TRAP1: variants seen among roughly 807,000 people sequenced by gnomAD.
TRAP1 encodes the protein heat shock protein 75 kDa, mitochondrial.
A neutral mutation model predicts 89.1 loss-of-function variants in TRAP1; 102 were observed. That is an observed-to-expected ratio of 1.15 (90% CI 0.98 to 1.35). The LOEUF is 1.35. Among genes scored for constraint, TRAP1 ranks in the 40% most tolerant of loss-of-function variants. The probability of loss-of-function intolerance (pLI) is 0.00; values close to 1 mark genes in which losing one functional copy is unlikely to be tolerated. For missense variants in TRAP1, 1,256 were observed against 945.3 expected, an observed-to-expected ratio of 1.33 and a Z score of -4.31; for synonymous variants, 508 against 388.0, an observed-to-expected ratio of 1.31 and a Z score of -3.64.
At chr16:3,671,837 C>T (rs2050917914) in intron 10 of TRAP1, 46 bp from the exon 11 acceptor site, 1 of 1,586,098 alleles carries the variant, frequency 6.3e-7, no homozygotes, top group Non-Finnish European at 8.6e-7. Context: ...CGGCCCTCCA[C>T]ACCACCCAAC....
chr16:3,714,210 A>G (rs1024221707), intron 1 of TRAP1, among the ~76,000 whole-genome samples: 1 of 152,326 alleles, frequency 6.6e-6, no homozygotes, highest in East Asian at 1.9e-4. Context: ...GCCCTGGTAC[A>G]CTGCTCAGCA....
At chr16:3,686,271 C>A in intron 3 of TRAP1, 135 bp from the exon 4 acceptor site, 1 of 1,116,126 alleles carries the variant, frequency 9.0e-7, no homozygotes, top group Non-Finnish European at 1.3e-6. Context: ...AGAGTTTCTG[C>A]TTTAGTCAAA....
At chr16:3,680,905 C>T (rs1339881667) in intron 4 of TRAP1, among the ~76,000 whole-genome samples, 1 of 152,174 alleles carries the variant, frequency 6.6e-6, no homozygotes, top group East Asian at 1.9e-4. Context: ...GCTCTTGGAC[C>T]TCCCAGCCTC....
intron 1 of TRAP1, among the ~76,000 whole-genome samples, chr16:3,706,051 C>T (rs549672772): frequency 2.6e-4 from 40 of 151,340 alleles, no homozygotes; most frequent in Middle Eastern, 3.4e-3. Context: ...GTAATCTCCG[C>T]TCACTGCAAC....
At chr16:3,705,726 C>CTGGA (rs1420417942) in intron 1 of TRAP1, among the ~76,000 whole-genome samples, 1 of 152,134 alleles carries the variant, frequency 6.6e-6, no homozygotes, top group Admixed American at 6.6e-5. Flanking sequence ...CGTTGCCAGG[C>CTGGA]TGGAGTGCAA....
chr16:3,662,119 A>G lies in TRAP1; in HGVS notation c.1808T>C (p.Leu603Pro), dbSNP rs1234370208. The G allele has an allele frequency of 9.9e-6, 16 of 1,612,370 alleles. No individual in the cohort carries two copies. Among genetic ancestry groups the G allele is most frequent in the African/African-American group, 1.3e-5 (1 of 75,042 alleles). Reference sequence around the variant, plus strand: ...GGTGACCATGGCAGGGTGGGTGTCCAGTCGGAGGGTCACCTGTGAGCAAAG... The same window carrying G: ...GGTGACCATGGCAGGGTGGGTGTCCGGTCGGAGGGTCACCTGTGAGCAAAG... ...RVTNVKVTLR[L>P]DTHPAMVTVL... Residue 603 changes from leucine to proline, a missense_variant, in exon 16 of 18, where the codon CTG becomes CCG. Physicochemically the swap from Leu to Pro is moderately conservative, Grantham distance 98 (BLOSUM62 -3). Coordinates refer to ENST00000246957, the MANE Select transcript of TRAP1 (RefSeq NM_016292.3).
At chr16:3,681,470 A>G (rs573037887) in intron 4 of TRAP1, among the ~76,000 whole-genome samples, 2 of 152,330 alleles carry the variant, frequency 1.3e-5, no homozygotes, top group East Asian at 3.9e-4. Flanking sequence ...ACTGCAGTGC[A>G]CACATGTGTG....
intron 1 of TRAP1, among the ~76,000 whole-genome samples, chr16:3,709,847 T>A (rs1470913875): frequency 6.6e-6 from 1 of 152,138 alleles, no homozygotes; most frequent in Non-Finnish European, 1.5e-5. Flanking sequence ...ACAGGGTTTC[T>A]CCATGTTGGT....
At chr16:3,661,133 C>T (rs907649466) in intron 16 of TRAP1, 1 of 151,910 alleles carries the variant, frequency 6.6e-6, no homozygotes, top group African/African-American at 2.4e-5. Flanking sequence ...TAAAATACCC[C>T]ATAAGACACA....
At position 3,674,509 on chromosome 16, in the gene TRAP1, C is replaced by G. The variant is rs114495829; in HGVS notation, c.889-15G>C. ...ATCCAGATGGCCTGGAAACGGAGAT[C>G]GGCGGGGAGGGCGTCGTGTTCACCA... is the stretch of plus-strand genomic sequence containing the variant. On this transcript the variant is annotated splice_polypyrimidine_tract_variant and intron_variant, in intron 8 of 17. Transcript: ENST00000246957. 1.2e-6 allele frequency: 2 copies of G among 1,612,894 alleles called. No individual in the cohort carries two copies. The highest frequency in any genetic ancestry group is 1.7e-5 in the Admixed American group (1 of 59,928).
chr16:3,673,577 G>C (rs1212558972), intron 9 of TRAP1, among the ~76,000 whole-genome samples: 1 of 134,494 alleles, frequency 7.4e-6, no homozygotes, highest in African/African-American at 2.5e-5. Flanking sequence ...GTTAAAATGC[G>C]GGGAGATCTT....
At chr16:3,715,527 G>C (rs1014119844) in intron 1 of TRAP1, among the ~76,000 whole-genome samples, 4 of 152,220 alleles carry the variant, frequency 2.6e-5, no homozygotes, top group African/African-American at 9.6e-5. Flanking sequence ...GGAAGGGACA[G>C]TGCATGATAC....
intron 1 of TRAP1, among the ~76,000 whole-genome samples, chr16:3,709,076 C>G (rs2051490622): frequency 6.6e-6 from 1 of 151,680 alleles, no homozygotes; most frequent in Non-Finnish European, 1.5e-5. Context: ...CGGCCTCCCA[C>G]AGTGCTGGGA....
chr16:3,691,248 T>G (rs546848050), intron 1 of TRAP1: 1 of 283,762 alleles, frequency 3.5e-6, no homozygotes, highest in African/African-American at 2.2e-5. Flanking sequence ...GCTGCTGCCT[T>G]CTTTTCAGAG....
At chr16:3,672,845 C>T (rs1183300836) in intron 9 of TRAP1, 25 bp from the exon 10 acceptor site, 2 of 1,605,048 alleles carry the variant, frequency 1.2e-6, no homozygotes, top group Admixed American at 3.4e-5. Flanking sequence ...AACACGCCAT[C>T]ATGCAGCACT....
chr16:3,684,883 C>T (rs1450735540), intron 4 of TRAP1, among the ~76,000 whole-genome samples: 2 of 152,166 alleles, frequency 1.3e-5, no homozygotes, highest in Admixed American at 6.5e-5. Flanking sequence ...TATAATGGAG[C>T]TCTAAATTAC....
At chr16:3,704,355 C>T (rs891460467) in intron 1 of TRAP1, 3 of 152,072 alleles carry the variant, frequency 2.0e-5, no homozygotes, top group Non-Finnish European at 4.4e-5. Flanking sequence ...ACAAACAAAA[C>T]GTTGCATTAT....
At chr16:3,679,068 G>C (rs1273677723) in intron 5 of TRAP1, among the ~76,000 whole-genome samples, 1 of 152,216 alleles carries the variant, frequency 6.6e-6, no homozygotes, top group East Asian at 1.9e-4. Flanking sequence ...CTGTAGTCAC[G>C]CCTCAGGAGG....
In TRAP1 at chr16:3,658,211, A is replaced by G; in HGVS notation, c.2033T>C (p.Ile678Thr). The G allele has an allele frequency of 6.2e-7, 1 of 1,613,946 alleles. No individual in the cohort carries two copies. Among genetic ancestry groups the G allele is most frequent in the South Asian group, 1.1e-5 (1 of 91,076 alleles). ...LVDQIYENAM[I>T]AAGLVDDPRA... ...AGGGTCGTCAACAAGTCCAGCAGCAATCATGGCGTTCTCGTATATCTGAAA... is the reference window on the plus strand; with the variant it reads ...AGGGTCGTCAACAAGTCCAGCAGCAGTCATGGCGTTCTCGTATATCTGAAA... Residue 678 changes from isoleucine to threonine, a missense_variant, in exon 18 of 18, where the codon ATT (isoleucine) becomes ACT (threonine). Transcript: ENST00000246957.
Sources: gnomAD v4.1 joint callset for allele counts (sites outside exome capture counted in the v4.1 genomes callset) on GRCh38, gnomAD v4.1.1 for gene constraint, MANE v1.5 for transcripts, NCBI Gene and HGNC (gene_info 2026-07-23, HGNC 2026-07-21) for gene names.